DHRSX: variants seen among roughly 807,000 people sequenced by gnomAD.
The protein encoded by DHRSX is dehydrogenase/reductase X-linked.
In DHRSX, 31 loss-of-function variants were observed where a neutral mutation model predicts 34.0. The ratio of observed to expected loss-of-function variants is 0.91; its 90% CI spans 0.69 to 1.23. The LOEUF (loss-of-function observed/expected upper bound fraction) is 1.23, where lower values mean the gene tolerates loss of function less well. DHRSX is among the 50% of genes most tolerant of loss of function. The probability of loss-of-function intolerance (pLI) is 0.00; values close to 1 mark genes in which losing one functional copy is unlikely to be tolerated. For synonymous variants in DHRSX, 201 were observed against 183.8 expected (o/e 1.09, Z -0.76); for missense variants, 414 against 428.1 (o/e 0.97, Z 0.29).
At chrX:2,454,331 A>G (rs1455319921) in intron 1 of DHRSX, among the ~76,000 whole-genome samples, 2 of 152,062 alleles carry the variant, frequency 1.3e-5, no homozygotes, top group Non-Finnish European at 2.9e-5. Flanking sequence ...GTTCCAGACC[A>G]GCCTGACCAA....
chrX:2,485,801 AGGAAGGAAGGGAG>A lies in DHRSX; in HGVS notation c.109+15003_109+15015del, dbSNP rs2044898267. 1.3e-4 allele frequency among the ~76,000 whole-genome samples: 4 copies of A among 31,602 alleles called. No homozygotes were observed. The East Asian group carries it at 0.013, about 100-fold the overall frequency. 20.7% of individuals were successfully genotyped at this position (31,602 alleles called of 152,430 possible). On this transcript the variant is annotated intron_variant, in intron 1 of 6. Transcript: ENST00000334651. ...GGAGAAAAGGGAGAGAAGGGAGAGA[AGGAAGGAAGGGAG>A]AGAAGGAAGGAAGGGAGAGAAGGAA...
At chrX:2,306,672 G>A (rs964623257) in intron 3 of DHRSX, among the ~76,000 whole-genome samples, 4 of 151,946 alleles carry the variant, frequency 2.6e-5, no homozygotes, top group Admixed American at 6.6e-5. Flanking sequence ...TCTTTTTGAC[G>A]CACTGCTGGA....
chrX:2,316,821 G>C (rs2042246615), intron 3 of DHRSX, among the ~76,000 whole-genome samples: 1 of 152,170 alleles, frequency 6.6e-6, no homozygotes, highest in Non-Finnish European at 1.5e-5. Context: ...GGCATAAATG[G>C]ATTAACTCAA....
intron 3 of DHRSX, among the ~76,000 whole-genome samples, chrX:2,355,298 G>C (rs1239044361): frequency 3.9e-5 from 6 of 152,116 alleles, no homozygotes; most frequent in African/African-American, 1.4e-4. Context: ...GATTGCTTGA[G>C]CTCAGGAGTT....
chrX:2,484,211 G>A (rs564472247), intron 1 of DHRSX, among the ~76,000 whole-genome samples: 4 of 152,234 alleles, frequency 2.6e-5, no homozygotes, highest in Admixed American at 6.5e-5. Context: ...GACCTCAGGC[G>A]ATCCACCCGC....
intron 3 of DHRSX, among the ~76,000 whole-genome samples, chrX:2,365,562 C>T (rs985550895): frequency 6.6e-6 from 1 of 152,126 alleles, no homozygotes; most frequent in Non-Finnish European, 1.5e-5. Context: ...CTTACAATCT[C>T]TTTACTTCTT....
intron 6 of DHRSX, among the ~76,000 whole-genome samples, chrX:2,229,635 T>C (rs2015819534): frequency 6.6e-6 from 1 of 151,854 alleles, no homozygotes; most frequent in Non-Finnish European, 1.5e-5. Context: ...TAGATGTGTA[T>C]TGTATGATTG....
intron 1 of DHRSX, among the ~76,000 whole-genome samples, chrX:2,457,489 C>T (rs1308570878): frequency 6.8e-6 from 1 of 147,394 alleles, no homozygotes; most frequent in East Asian, 2.1e-4. Context: ...CCCTAAGATG[C>T]AGCCAAGGGA....
chrX:2,373,079 G>A (rs1331621864), intron 3 of DHRSX, among the ~76,000 whole-genome samples: 6 of 152,146 alleles, frequency 3.9e-5, no homozygotes, highest in Admixed American at 1.3e-4. Context: ...CAATCACGAC[G>A]GAAGACGAAA....
intron 3 of DHRSX, among the ~76,000 whole-genome samples, chrX:2,316,704 C>A (rs902849545): frequency 6.6e-5 from 10 of 152,172 alleles, no homozygotes; most frequent in African/African-American, 1.9e-4. Context: ...CCCACGTATG[C>A]CTAGTGTTCC....
intron 4 of DHRSX, among the ~76,000 whole-genome samples, chrX:2,287,888 A>T (rs1602875484): frequency 1.3e-5 from 2 of 152,338 alleles, no homozygotes; most frequent in Non-Finnish European, 2.9e-5. Flanking sequence ...GACCCCAGAG[A>T]TGCCCACAAC....
At chrX:2,262,213 G>A (rs1313921127) in intron 5 of DHRSX, among the ~76,000 whole-genome samples, 2 of 152,322 alleles carry the variant, frequency 1.3e-5, no homozygotes, top group East Asian at 1.9e-4. Flanking sequence ...GAGGCAGGAG[G>A]CCTACACAAT....
At chrX:2,321,463 C>T (rs1214374081) in intron 3 of DHRSX, among the ~76,000 whole-genome samples, 4 of 152,082 alleles carry the variant, frequency 2.6e-5, no homozygotes, top group Middle Eastern at 3.4e-3. Flanking sequence ...TATTTGGAGA[C>T]GGAGCCTTTG....
intron 3 of DHRSX, among the ~76,000 whole-genome samples, chrX:2,365,218 C>T (rs932755825): frequency 3.3e-5 from 5 of 152,184 alleles, no homozygotes; most frequent in Non-Finnish European, 5.9e-5. Flanking sequence ...GGTCTAATGT[C>T]CAGAATCTAC....
intron 3 of DHRSX, among the ~76,000 whole-genome samples, chrX:2,407,028 A>T: frequency 6.6e-6 from 1 of 152,308 alleles, no homozygotes; most frequent in South Asian, 2.1e-4. Flanking sequence ...GTGTCCAACA[A>T]CACACGAAAG....
At chrX:2,307,619 G>T (rs2124513641) in intron 3 of DHRSX, among the ~76,000 whole-genome samples, 1 of 151,930 alleles carries the variant, frequency 6.6e-6, no homozygotes, top group East Asian at 1.9e-4. Context: ...CAAAAAATTA[G>T]CCAGGCGTGG....
At chrX:2,455,924 ATGT>A (rs1484933509) in intron 1 of DHRSX, among the ~76,000 whole-genome samples, 15 of 152,100 alleles carry the variant, frequency 9.9e-5, no homozygotes, top group Non-Finnish European at 1.9e-4. Context: ...ATTCCTTTCA[ATGT>A]AGAAGGTGCA....
chrX:2,343,618 G>T (rs529896909), intron 3 of DHRSX, among the ~76,000 whole-genome samples: 1 of 152,082 alleles, frequency 6.6e-6, no homozygotes, highest in Non-Finnish European at 1.5e-5. Flanking sequence ...TAATCATTAC[G>T]CAGCATCCAC....
At chrX:2,308,916 C>T (rs1439408845) in intron 3 of DHRSX, among the ~76,000 whole-genome samples, 1 of 151,508 alleles carries the variant, frequency 6.6e-6, no homozygotes, top group Non-Finnish European at 1.5e-5. Flanking sequence ...GAAACAAGGT[C>T]CCAGAAAATA....
Sources: allele counts gnomAD v4.1 joint callset (sites outside exome capture counted in the v4.1 genomes callset), GRCh38; gene constraint gnomAD v4.1.1; transcripts MANE v1.5; gene names NCBI Gene and HGNC (gene_info 2026-07-23, HGNC 2026-07-21).